The following PTPRD variants were observed in gnomAD, a reference collection of about 807,000 sequenced individuals.
PTPRD encodes the protein protein tyrosine phosphatase receptor type D.
In PTPRD, 34 loss-of-function variants were observed where a neutral mutation model predicts 214.5. The ratio of observed to expected loss-of-function variants is 0.16; its 90% confidence interval spans 0.12 to 0.21. PTPRD has a LOEUF of 0.21. Ranked by LOEUF, PTPRD falls within the 10% of genes least tolerant of loss-of-function variation. PTPRD has a pLI of 1.00. For synonymous variants in PTPRD, 1,128 were observed against 845.7 expected (o/e 1.33, Z -5.79); for missense variants, 2,545 against 2,398.7 (o/e 1.06, Z -1.27).
At chr9:10,357,962 T>G (rs2097308552) in intron 2 of PTPRD, among the ~76,000 whole-genome samples, 1 of 152,086 alleles carries the variant, frequency 6.6e-6, no homozygotes, top group South Asian at 2.1e-4. Flanking sequence ...TTGACCAAAT[T>G]GATAAAATAG....
At chr9:9,429,812 C>A (rs918228213) in intron 8 of PTPRD, among the ~76,000 whole-genome samples, 1 of 152,138 alleles carries the variant, frequency 6.6e-6, no homozygotes, top group Non-Finnish European at 1.5e-5. Flanking sequence ...ACATGATAGT[C>A]TCAATAGATG....
At chr9:10,543,969 A>G (rs2059687006) in intron 2 of PTPRD, among the ~76,000 whole-genome samples, 1 of 152,170 alleles carries the variant, frequency 6.6e-6, no homozygotes, top group Admixed American at 6.5e-5. Context: ...AATATAGAAA[A>G]GTTCCACCCA....
rs73398314 is a variant in PTPRD at position 10,198,487 on chromosome 9, C to G, written c.-545+142476G>C. ...AAGTTGTAATGATTGCCTGAAGAGG[C>G]GGGTCAAAAAAAGATTCACAGGACA... On this transcript the variant is annotated intron_variant, in intron 3 of 45. Coordinates refer to ENST00000381196, the MANE Select transcript of PTPRD (RefSeq NM_002839.4). Among the ~76,000 whole-genome samples, 1,225 of 151,890 alleles carry G rather than the reference C, an allele frequency of 8.1e-3. 9 individuals carry two copies. The highest frequency in any genetic ancestry group is 0.028 in the African/African-American group (1,162 of 41,452).
intron 34 of PTPRD, chr9:8,437,284 T>A: frequency 2.2e-6 from 3 of 1,342,528 alleles, no homozygotes; most frequent in Non-Finnish European, 2.0e-6. Flanking sequence ...TAGAACAAAT[T>A]CTTCAAAAAA....
intron 9 of PTPRD, among the ~76,000 whole-genome samples, chr9:9,271,806 G>A (rs1594918193): frequency 6.6e-6 from 1 of 151,422 alleles, no homozygotes. Context: ...GTTTGATTGT[G>A]TTACTTCTTC....
At chr9:9,677,934 C>T (rs1594984075) in intron 7 of PTPRD, among the ~76,000 whole-genome samples, 1 of 152,186 alleles carries the variant, frequency 6.6e-6, no homozygotes, top group East Asian at 1.9e-4. Flanking sequence ...AACAGACAAA[C>T]AGAGAGCCAA....
intron 8 of PTPRD, among the ~76,000 whole-genome samples, chr9:9,539,228 C>T (rs1001119059): frequency 2.6e-5 from 4 of 151,768 alleles, no homozygotes; most frequent in African/African-American, 9.7e-5. Context: ...AGATGGGATG[C>T]ACACTGAAGA....
At chr9:8,327,787 C>T (rs1157893843) in intron 44 of PTPRD, among the ~76,000 whole-genome samples, 4 of 149,218 alleles carry the variant, frequency 2.7e-5, no homozygotes, top group East Asian at 2.0e-4. Flanking sequence ...GTACGTAATG[C>T]CCTTCTTTGT....
intron 25 of PTPRD, among the ~76,000 whole-genome samples, chr9:8,497,925 C>T (rs953321764): frequency 1.3e-5 from 2 of 152,198 alleles, no homozygotes; most frequent in African/African-American, 4.8e-5. Flanking sequence ...GCACACTGGT[C>T]ATATTGTTTT....
intron 2 of PTPRD, among the ~76,000 whole-genome samples, chr9:10,374,987 CAT>C (rs946060569): frequency 2.6e-5 from 4 of 152,006 alleles, no homozygotes; most frequent in Middle Eastern, 3.4e-3. Flanking sequence ...ACTATGGAAA[CAT>C]AGAAAAACTA....
intron 44 of PTPRD, among the ~76,000 whole-genome samples, chr9:8,329,464 G>C (rs567656921): frequency 3.1e-4 from 47 of 152,250 alleles, no homozygotes; most frequent in Non-Finnish European, 5.7e-4. Context: ...CCTACTGTGA[G>C]GTGTCACCCA....
At chr9:8,365,687 CT>C (rs1171402955) in intron 39 of PTPRD, among the ~76,000 whole-genome samples, 2 of 152,066 alleles carry the variant, frequency 1.3e-5, no homozygotes, top group Non-Finnish European at 2.9e-5. Context: ...TTCCCCATTC[CT>C]TGAATCTGGA....
intron 8 of PTPRD, among the ~76,000 whole-genome samples, chr9:9,464,398 G>T (rs1156438487): frequency 1.3e-5 from 2 of 152,076 alleles, no homozygotes; most frequent in South Asian, 2.1e-4. Flanking sequence ...ATTTAGATTT[G>T]TATAGTTACT....
chr9:9,962,635 G>A (rs548017308), intron 4 of PTPRD, among the ~76,000 whole-genome samples: 1 of 152,100 alleles, frequency 6.6e-6, no homozygotes, highest in South Asian at 2.1e-4. Flanking sequence ...ATTAACGGTA[G>A]ACATAAATAC....
At chr9:8,916,592 A>T (rs1310107766) in intron 11 of PTPRD, among the ~76,000 whole-genome samples, 2 of 152,176 alleles carry the variant, frequency 1.3e-5, no homozygotes, top group Admixed American at 1.3e-4. Flanking sequence ...AGAGTTGTAG[A>T]TTATAAAATT....
intron 2 of PTPRD, among the ~76,000 whole-genome samples, chr9:10,395,925 G>C (rs2098160534): frequency 6.6e-6 from 1 of 151,068 alleles, no homozygotes; most frequent in South Asian, 2.1e-4. Flanking sequence ...GAAGAAGGAA[G>C]AAGAAGCCAC....
intron 34 of PTPRD, among the ~76,000 whole-genome samples, chr9:8,442,373 A>G (rs986720548): frequency 5.9e-5 from 9 of 151,986 alleles, no homozygotes; most frequent in Non-Finnish European, 1.0e-4. Context: ...TTAAATGCCA[A>G]TAGGCACTAT....
At chr9:8,964,637 A>G (rs4314697) in intron 11 of PTPRD, among the ~76,000 whole-genome samples, 106,390 of 151,794 alleles carry the variant, frequency 0.7, 37,746 homozygotes, top group East Asian at 0.85. Flanking sequence ...TCTTCCAGAT[A>G]TGATGCTGAA....
At chr9:8,549,377 A>T (rs1163781516) in intron 14 of PTPRD, among the ~76,000 whole-genome samples, 1 of 152,156 alleles carries the variant, frequency 6.6e-6, no homozygotes, top group Non-Finnish European at 1.5e-5. Flanking sequence ...GAGACAGAGA[A>T]AGGTCAAGAT....
Sources: allele counts gnomAD v4.1 joint callset (sites outside exome capture counted in the v4.1 genomes callset), GRCh38; gene constraint gnomAD v4.1.1; transcripts MANE v1.5; gene names NCBI Gene and HGNC (gene_info 2026-07-23, HGNC 2026-07-21).